JPH4: variants seen among roughly 807,000 people sequenced by gnomAD.
JPH4 encodes the protein junctophilin-4.
Under a neutral mutation model 57.6 loss-of-function variants are expected in JPH4, and 18 were observed. The observed-to-expected ratio is 0.31, with a 90% CI of 0.22 to 0.46. The LOEUF is 0.46. JPH4 is among the 20% of genes least tolerant of loss of function. The pLI is 1.00. For missense variants in JPH4, 727 were observed against 911.1 expected, an observed-to-expected ratio of 0.80 and a Z score of 2.60; for synonymous variants, 425 against 406.6, an observed-to-expected ratio of 1.05 and a Z score of -0.54.
Position 23,576,218 on chromosome 14 carries a change from C to T in JPH4, c.618G>A (p.Ala206=), listed in dbSNP as rs562006118. The part of the protein sequence containing the change: ...VLAGPGDADG[A]SSRKRTPAAG... ...CCGCCGGAGTGCGCTTTCGGGACGA[C>T]GCGCCGTCGGCGTCCCCGGGCCCGG... Residue 206 remains alanine, a synonymous_variant, in exon 3 of 6, where the codon GCG becomes GCA. Coordinates refer to ENST00000356300, the MANE Select transcript of JPH4 (RefSeq NM_001146028.2). This position sits in a 1 kb window ranked among gnomAD's most constrained non-coding sequence, Gnocchi z 8.0. The T allele has an allele frequency of 3.1e-6, 4 of 1,274,566 alleles. No individual in the cohort carries two copies. Among genetic ancestry groups the T allele is most frequent in the Non-Finnish European group, 3.0e-6 (3 of 1,011,954 alleles). 79.0% of individuals were successfully genotyped at this position (1,274,566 alleles called of 1,614,324 possible). A position where few individuals can be genotyped will look rare whatever the true frequency, so the allele number is the denominator to read the frequency against.
At chr14:23,573,483 T>C (rs1339061975) in intron 3 of JPH4, among the ~76,000 whole-genome samples, 3 of 152,156 alleles carry the variant, frequency 2.0e-5, no homozygotes, top group Non-Finnish European at 4.4e-5. Context: ...TTGGGTTGTA[T>C]TGAGTTATTT....
At chr14:23,572,472 C>T (rs1358249640) in intron 3 of JPH4, among the ~76,000 whole-genome samples, 3 of 152,060 alleles carry the variant, frequency 2.0e-5, no homozygotes, top group Admixed American at 6.5e-5. Context: ...CCTGCCCCGC[C>T]CCCTCGTTCA....
intron 3 of JPH4, among the ~76,000 whole-genome samples, chr14:23,573,179 A>G (rs372333576): frequency 3.2e-4 from 49 of 152,298 alleles, no homozygotes; most frequent in African/African-American, 1.1e-3. Context: ...TTCTTAGTCC[A>G]TAGCCTCTTC....
In JPH4 at chr14:23,577,044, C is replaced by T; in HGVS notation, c.379+31G>A. 2 of 1,479,896 alleles carry T rather than the reference C, an allele frequency of 1.4e-6. No individual in the cohort carries two copies. The highest frequency in any genetic ancestry group is 1.8e-6 in the Non-Finnish European group (2 of 1,118,728). The allele number at this position is 1,479,896 out of a possible 1,614,324, so 91.7% of individuals were successfully genotyped here. On this transcript the variant is annotated intron_variant, in intron 2 of 5. Transcript: ENST00000356300. The surrounding 1 kb of genome is among the most constrained non-coding windows in gnomAD (Gnocchi z 8.4). ...GCTGGGGAAGGCGCACGCGGACGAGCAGACAGACACTGGTGGGCCGGGCCC... is the reference window on the plus strand; with the variant it reads ...GCTGGGGAAGGCGCACGCGGACGAGTAGACAGACACTGGTGGGCCGGGCCC...
chr14:23,573,544 G>A (rs1566679236), intron 3 of JPH4, among the ~76,000 whole-genome samples: 1 of 152,198 alleles, frequency 6.6e-6, no homozygotes, highest in African/African-American at 2.4e-5. Flanking sequence ...TGTATGAAGA[G>A]TATGGATGAT....
At position 23,569,661 on chromosome 14, in the gene JPH4, T is replaced by C; in HGVS notation, c.1860A>G (p.Ala620=). The C allele has an allele frequency of 6.4e-7, 1 of 1,552,760 alleles. No homozygotes were observed. Among genetic ancestry groups the C allele is most frequent in the Non-Finnish European group, 8.7e-7 (1 of 1,147,872 alleles). The change falls in exon 6 of 6, where the codon GCA becomes GCG. Residue 620 remains alanine (A), a synonymous_variant. Transcript: ENST00000356300. The surrounding 1 kb of genome is among the most constrained non-coding windows in gnomAD (Gnocchi z 4.8). The stretch of plus-strand genomic sequence containing the variant: ...AGGTGAGGAGCTGGGAGAACAGGAA[T>C]GCCAGGCTGAGGTCCAGGAGGGCCA... ...GAVALLDLSL[A]FLFSQLLT
chr14:23,573,135 G>C, intron 3 of JPH4: 1 of 602,398 alleles, frequency 1.7e-6, no homozygotes, highest in South Asian at 2.0e-5. Flanking sequence ...TGGTATGGGG[G>C]TGGGGAAGAG....
chr14:23,572,928 A>G, intron 3 of JPH4: 1 of 702,476 alleles, frequency 1.4e-6, no homozygotes, highest in South Asian at 1.5e-5. Flanking sequence ...ATGCTTCCTC[A>G]GTTTTCTCTT....
At chr14:23,572,988 A>C in intron 3 of JPH4, 1 of 701,514 alleles carries the variant, frequency 1.4e-6, no homozygotes, top group Non-Finnish European at 2.6e-6. Flanking sequence ...TCCTTAAATG[A>C]GTTCTGTAAT....
Position 23,578,698 on chromosome 14 carries a change from GGGTGGT to G in JPH4, c.-696_-691del, listed in dbSNP as rs1443396579. 1 of 151,804 alleles carries G rather than the reference GGGTGGT, an allele frequency of 6.6e-6. No homozygotes were observed. The highest frequency in any genetic ancestry group is 2.0e-4 in the East Asian group (1 of 5,078). 9.4% of individuals were successfully genotyped at this position (151,804 alleles called of 1,614,324 possible). ...GAAGAAGAGACAGCGGCAGTGTTGCGGGTGGTGGTGGGGTCCCCAAGCAGAAAAGGA... is the reference window on the plus strand; with the variant it reads ...GAAGAAGAGACAGCGGCAGTGTTGCGGGTGGGGTCCCCAAGCAGAAAAGGA... On this transcript the variant is annotated 5_prime_UTR_variant, in exon 1 of 6. Transcript: ENST00000356300.
chr14:23,572,901 T>C, intron 3 of JPH4: 1 of 702,628 alleles, frequency 1.4e-6, no homozygotes, highest in South Asian at 1.5e-5. Context: ...GCTTCTCAGT[T>C]CTCCCTGTGA....
chr14:23,574,027 T>C (rs1595394786), intron 3 of JPH4, among the ~76,000 whole-genome samples: 1 of 152,050 alleles, frequency 6.6e-6, no homozygotes, highest in Non-Finnish European at 1.5e-5. Context: ...GGACATATCC[T>C]GATCTCTGAT....
In JPH4 at chr14:23,568,279, C is replaced by T. The variant is rs1460885641; in HGVS notation, c.*1355G>A. The T allele has an allele frequency of 1.0e-6, 1 of 985,742 alleles. No individual in the cohort carries two copies. The highest frequency in any genetic ancestry group is 1.7e-5 in the African/African-American group (1 of 57,232). The allele number at this position is 985,742 out of a possible 1,614,324, so 61.1% of individuals were successfully genotyped here. A position where few individuals can be genotyped will look rare whatever the true frequency, so the allele number is the denominator to read the frequency against. ...TGGGCATTCCTGGGCAAGGCCATTC[C>T]TTGAGGGAGGGGGTTGGCAGGCAGC... On this transcript the variant is annotated 3_prime_UTR_variant, in exon 6 of 6. Transcript: ENST00000356300.
rs1291991212 is a variant in JPH4 at position 23,575,203 on chromosome 14, G to C, written c.1151+482C>G. On this transcript the variant is annotated intron_variant, in intron 3 of 5. Coordinates refer to ENST00000356300, the MANE Select transcript of JPH4 (RefSeq NM_001146028.2). This position sits in a 1 kb window ranked among gnomAD's most constrained non-coding sequence, Gnocchi z 6.9. ...GCTGTATAAATTAGACTTCCCAAAG[G>C]CCCAAGGCTGAAATGGTGTCAGGCT... 2 of 161,334 alleles carry C rather than the reference G, an allele frequency of 1.2e-5. No individual in the cohort carries two copies. The highest frequency in any genetic ancestry group is 4.8e-5 in the African/African-American group (2 of 41,718). 10.0% of individuals were successfully genotyped at this position (161,334 alleles called of 1,614,324 possible). A position where few individuals can be genotyped will look rare whatever the true frequency, so the allele number is the denominator to read the frequency against.
Position 23,571,044 on chromosome 14 carries a change from C to T in JPH4, c.1687G>A (p.Glu563Lys). The T allele has an allele frequency of 6.2e-7, 1 of 1,606,366 alleles. No homozygotes were observed. The highest frequency in any genetic ancestry group is 8.5e-7 in the Non-Finnish European group (1 of 1,175,960). ...LPPLRAPAGT[E>K]PEPIAMLVLR... is the part of the protein sequence containing the mutation. ...ACCAGCATGGCGATGGGCTCAGGCT[C>T]CGTGCCTGCTGGGGCCCTCAGCGGG... The change falls in exon 5 of 6, where the codon GAG (glutamate) becomes AAG (lysine). Residue 563 changes from glutamate to lysine, a missense_variant. Around this residue, in one of 7 missense-constraint regions of JPH4, gnomAD observed 293 missense variants for 279.8 expected, o/e 1.05. Transcript: ENST00000356300. The surrounding 1 kb of genome is among the most constrained non-coding windows in gnomAD (Gnocchi z 4.6).
In JPH4 at chr14:23,577,259, CCA is replaced by C; in HGVS notation, c.193_194del (p.Trp65AlafsTer56). The C allele has an allele frequency of 6.5e-7, 1 of 1,537,416 alleles. No individual in the cohort carries two copies. Among genetic ancestry groups the C allele is most frequent in the Non-Finnish European group, 8.7e-7 (1 of 1,145,142 alleles). On this transcript the variant is annotated frameshift_variant, in exon 2 of 6. Coordinates refer to ENST00000356300, the MANE Select transcript of JPH4 (RefSeq NM_001146028.2). LOFTEE classifies it high-confidence loss of function. This position sits in a 1 kb window ranked among gnomAD's most constrained non-coding sequence, Gnocchi z 8.4. ...GPGGHSYQGH[W>X]QQGKREGLGV... ...CCAGCCCTTCGCGCTTGCCCTGCTG[CCA>C]GTGGCCCTGGTAGCTGTGTCCGCCG...
chr14:23,571,022 A>G lies in JPH4; in HGVS notation c.1709T>C (p.Leu570Pro), dbSNP rs751090942. ...AGTEPEPIAM[L>P]VLRGSSSRGP... ...CCTCGAGGACGAGCCCCTCAGGACC[A>G]GCATGGCGATGGGCTCAGGCTCCGT... Residue 570 changes from leucine (L) to proline (P), a missense_variant, in exon 5 of 6, where the codon CTG becomes CCG. Leu to Pro is a moderately conservative substitution (Grantham distance 98, BLOSUM62 -3). This residue lies in a region of JPH4 where 293 missense variants were observed against 279.8 expected (regional missense o/e 1.05). Transcript: ENST00000356300. This position sits in a 1 kb window ranked among gnomAD's most constrained non-coding sequence, Gnocchi z 4.6. 32 of 1,589,488 alleles carry G rather than the reference A, an allele frequency of 2.0e-5. No individual in the cohort carries two copies. The highest frequency in any genetic ancestry group is 1.7e-6 in the Non-Finnish European group (2 of 1,166,672).
At position 23,568,311 on chromosome 14, in the gene JPH4, C is replaced by T; in HGVS notation, c.*1323G>A. 2 of 985,862 alleles carry T rather than the reference C, an allele frequency of 2.0e-6. No individual in the cohort carries two copies. The highest frequency in any genetic ancestry group is 2.4e-6 in the Non-Finnish European group (2 of 829,948). The allele number at this position is 985,862 out of a possible 1,614,324, so 61.1% of individuals were successfully genotyped here. ...GAGGGGGTTGGCAGGCAGCTTGCCT[C>T]TGCCTCATGCAGGGGAGGGAGGAAA... On this transcript the variant is annotated 3_prime_UTR_variant, in exon 6 of 6. Transcript: ENST00000356300.
rs1889119873 is a variant in JPH4, at chr14:23,570,949, T to G, written c.1782A>C (p.Ala594=). ...TCACCGGCTGGGCAGGCCTCTCGGT[T>G]GCAGCGGGCTCCCCGAGCTCTTCTG... ...CLTEELGEPA[A]TERPAQPGAA... Residue 594 remains alanine (A), a synonymous_variant, in exon 5 of 6, where the codon GCA becomes GCC. Coordinates refer to ENST00000356300, the MANE Select transcript of JPH4 (RefSeq NM_001146028.2). 2 of 1,516,278 alleles carry G rather than the reference T, an allele frequency of 1.3e-6. No individual in the cohort carries two copies. Among genetic ancestry groups the G allele is most frequent in the Non-Finnish European group, 1.8e-6 (2 of 1,133,440 alleles). 93.9% of individuals were successfully genotyped at this position (1,516,278 alleles called of 1,614,324 possible). A position where few individuals can be genotyped will look rare whatever the true frequency, so the allele number is the denominator to read the frequency against.
Sources: gnomAD v4.1 joint callset for allele counts (sites outside exome capture counted in the v4.1 genomes callset) on GRCh38, gnomAD v4.1.1 for gene constraint, gnomAD v4.1.1 regional missense constraint, Gnocchi (gnomAD v3.1) non-coding constraint, MANE v1.5 for transcripts, NCBI Gene and HGNC (gene_info 2026-07-23, HGNC 2026-07-21) for gene names.